GTF2E2: variants seen among roughly 807,000 people sequenced by gnomAD.
GTF2E2 encodes the protein transcription initiation factor IIE subunit beta.
In GTF2E2, 21 loss-of-function variants were observed where a neutral mutation model predicts 40.5. The observed-to-expected ratio is 0.52, with a 90% CI of 0.37 to 0.75. GTF2E2 has a LOEUF of 0.75. GTF2E2 is among the 30% of genes least tolerant of loss of function. The pLI, the probability that GTF2E2 is intolerant of heterozygous loss-of-function variation, is 0.00. For synonymous variants in GTF2E2, 117 were observed against 121.6 expected (o/e 0.96, Z 0.25); for missense variants, 298 against 338.4 (o/e 0.88, Z 0.94).
chr8:30,608,709 A>G (rs1404316348), intron 5 of GTF2E2, among the ~76,000 whole-genome samples: 1 of 152,204 alleles, frequency 6.6e-6, no homozygotes, highest in Non-Finnish European at 1.5e-5. Context: ...GCTCACACCT[A>G]TAATCCCAGC....
chr8:30,619,060 A>G (rs1801007764), intron 3 of GTF2E2, among the ~76,000 whole-genome samples: 1 of 152,136 alleles, frequency 6.6e-6, no homozygotes, highest in Admixed American at 6.5e-5. Flanking sequence ...CTCCTGCCTC[A>G]GCCTCCGAGT....
intron 2 of GTF2E2, among the ~76,000 whole-genome samples, chr8:30,636,355 GTAA>G (rs1305194429): frequency 1.3e-5 from 2 of 152,116 alleles, no homozygotes; most frequent in East Asian, 3.8e-4. Context: ...CACCAGGTTG[GTAA>G]TAATAATTTA....
intron 3 of GTF2E2, among the ~76,000 whole-genome samples, chr8:30,621,898 T>C (rs1026097585): frequency 1.3e-5 from 2 of 152,042 alleles, no homozygotes; most frequent in African/African-American, 4.8e-5. Context: ...CCTTGTCTTT[T>C]TCCTGACCTA....
chr8:30,579,506 CAAT>C (rs1295929530), intron 7 of GTF2E2, among the ~76,000 whole-genome samples: 1 of 152,108 alleles, frequency 6.6e-6, no homozygotes, highest in African/African-American at 2.4e-5. Context: ...ACAAATGAGA[CAAT>C]AATAGGAAAT....
chr8:30,619,390 CTTT>C (rs5890528), intron 3 of GTF2E2, among the ~76,000 whole-genome samples: 3 of 142,008 alleles, frequency 2.1e-5, no homozygotes, highest in Admixed American at 7.0e-5. Context: ...CATAAACTGA[CTTT>C]TTTTTTTTTT....
intron 5 of GTF2E2, among the ~76,000 whole-genome samples, chr8:30,607,572 C>T (rs1829355396): frequency 6.6e-6 from 1 of 152,208 alleles, no homozygotes; most frequent in African/African-American, 2.4e-5. Context: ...TGAGCCACTG[C>T]ACTCAGCCCC....
intron 1 of GTF2E2, 33 bp from the exon 2 acceptor site, chr8:30,653,635 A>G (rs1158647192): frequency 1.3e-6 from 2 of 1,526,176 alleles, no homozygotes; most frequent in South Asian, 2.3e-5. Context: ...TTTAATACAA[A>G]TTCAAGTCAC....
At chr8:30,616,108 C>A (rs942638864) in intron 3 of GTF2E2, among the ~76,000 whole-genome samples, 9 of 152,156 alleles carry the variant, frequency 5.9e-5, no homozygotes, top group Non-Finnish European at 1.0e-4. Context: ...CAACTGTTGA[C>A]ATTCCGGAAA....
intron 2 of GTF2E2, among the ~76,000 whole-genome samples, chr8:30,650,520 T>C (rs1802237006): frequency 1.9e-5 from 2 of 104,728 alleles, no homozygotes; most frequent in South Asian, 3.6e-4. Context: ...TAAAACCCCA[T>C]CTCTACCAAA....
intron 3 of GTF2E2, among the ~76,000 whole-genome samples, chr8:30,625,628 T>G (rs1443402991): frequency 3.3e-5 from 5 of 151,266 alleles, no homozygotes; most frequent in Non-Finnish European, 7.4e-5. Flanking sequence ...TGTTTTTTGT[T>G]TTAAGGGACA....
intron 5 of GTF2E2, 140 bp from the exon 6 acceptor site, chr8:30,607,290 C>T (rs957462824): frequency 1.7e-5 from 7 of 422,486 alleles, no homozygotes; most frequent in African/African-American, 1.4e-4. Flanking sequence ...CATAGGTCCA[C>T]TGGACCCAAT....
chr8:30,652,542 T>C (rs865816537), intron 2 of GTF2E2, among the ~76,000 whole-genome samples: 38 of 134,436 alleles, frequency 2.8e-4, no homozygotes, highest in Middle Eastern at 3.8e-3. Flanking sequence ...TAGAAATAGC[T>C]ATGATTAAAA....
At chr8:30,652,390 GT>G (rs1481786375) in intron 2 of GTF2E2, among the ~76,000 whole-genome samples, 1 of 151,692 alleles carries the variant, frequency 6.6e-6, no homozygotes, top group South Asian at 2.1e-4. Context: ...ATATACCTCA[GT>G]TTTTTTTATG....
rs1715476905 is a variant in GTF2E2 at position 30,640,301 on chromosome 8, C to T, written c.167-5178G>A. Among the ~76,000 whole-genome samples, 3 of 152,320 alleles carry T rather than the reference C, an allele frequency of 2.0e-5. No individual in the cohort carries two copies. The South Asian group carries it at 6.2e-4, about 32-fold the overall frequency. The stretch of plus-strand genomic sequence containing the variant: ...TACCATAAATACAGCAAAAGCATAA[C>T]TTTATTCTCATCTGGCAACCCAAAG... On this transcript the variant is annotated intron_variant, in intron 2 of 7. Transcript: ENST00000355904.
intron 3 of GTF2E2, among the ~76,000 whole-genome samples, chr8:30,631,285 G>A (rs1563498912): frequency 1.3e-5 from 2 of 152,172 alleles, no homozygotes; most frequent in Admixed American, 6.5e-5. Flanking sequence ...CCAAAGCGCT[G>A]AGAATACAGG....
At chr8:30,580,509 T>C in intron 6 of GTF2E2, 113 bp from the exon 7 acceptor site, 1 of 665,974 alleles carries the variant, frequency 1.5e-6, no homozygotes, top group South Asian at 1.8e-5. Context: ...GCACATCTGA[T>C]ATGTCATCAT....
At chr8:30,598,449 TA>T (rs1829076879) in intron 6 of GTF2E2, among the ~76,000 whole-genome samples, 2 of 152,360 alleles carry the variant, frequency 1.3e-5, no homozygotes, top group South Asian at 4.1e-4. Context: ...AAGTACACTT[TA>T]AAATTTTTAA....
At chr8:30,656,305 G>A (rs1452455785) in intron 1 of GTF2E2, among the ~76,000 whole-genome samples, 2 of 152,172 alleles carry the variant, frequency 1.3e-5, no homozygotes, top group Non-Finnish European at 2.9e-5. Flanking sequence ...ATTTTGAGTT[G>A]GATCTGAAAG....
intron 2 of GTF2E2, among the ~76,000 whole-genome samples, chr8:30,649,604 G>A (rs1802203346): frequency 6.6e-6 from 1 of 152,148 alleles, no homozygotes; most frequent in Admixed American, 6.5e-5. Flanking sequence ...CAGCACTTTG[G>A]GAAGCTGAGG....
Sources: gnomAD v4.1 joint callset for allele counts (sites outside exome capture counted in the v4.1 genomes callset) on GRCh38, gnomAD v4.1.1 for gene constraint, MANE v1.5 for transcripts, NCBI Gene and HGNC (gene_info 2026-07-23, HGNC 2026-07-21) for gene names.